The following EXD3 variants were observed in gnomAD, a reference collection of about 807,000 sequenced individuals.
EXD3 encodes the protein exonuclease mut-7 homolog.
EXD3 carries 92 observed loss-of-function variants against 98.0 expected under a neutral mutation model. The ratio of observed to expected loss-of-function variants is 0.94; its 90% confidence interval spans 0.79 to 1.12. The LOEUF is 1.12. Ranked by LOEUF, EXD3 falls within the 50% of genes most tolerant of loss-of-function variation. The pLI is 0.00. For synonymous variants in EXD3, 569 were observed against 526.0 expected (o/e 1.08, Z -1.12); for missense variants, 1,222 against 1,191.6 (o/e 1.03, Z -0.38).
At chr9:137,372,034 C>T (rs149661238) in intron 5 of EXD3, among the ~76,000 whole-genome samples, 2 of 152,174 alleles carry the variant, frequency 1.3e-5, no homozygotes, top group Non-Finnish European at 2.9e-5. Context: ...CCTCTTGGAA[C>T]CTTCTGGGCT....
chr9:137,354,725 T>A lies in EXD3; in HGVS notation c.806A>T (p.His269Leu), dbSNP rs1257440042. 2.5e-6 allele frequency: 4 copies of A among 1,610,890 alleles called. No homozygotes were observed. The highest frequency in any genetic ancestry group is 1.7e-5 in the Admixed American group (1 of 60,008). Reference sequence around the variant, plus strand: ...CTCCACAAACCGCTTGTGGCACAGGTGCCGCAGGGCCGCCAGGCGCTGCTG... The same window carrying A: ...CTCCACAAACCGCTTGTGGCACAGGAGCCGCAGGGCCGCCAGGCGCTGCTG... The part of the protein sequence containing the change: ...AIQQRLAALR[H>L]LCHKRFVEKS... Residue 269 changes from histidine (H) to leucine (L), a missense_variant, in exon 9 of 22, where the codon CAC becomes CTC. By Grantham distance (99) the His-to-Leu change is moderately conservative. Transcript: ENST00000340951.
At chr9:137,378,176 G>A (rs1456696347) in intron 3 of EXD3, among the ~76,000 whole-genome samples, 2 of 151,696 alleles carry the variant, frequency 1.3e-5, no homozygotes, top group African/African-American at 4.8e-5. Flanking sequence ...TCTATTCCAG[G>A]CAGTTTCCCA....
At chr9:137,358,313 A>G (rs1834891928) in intron 7 of EXD3, among the ~76,000 whole-genome samples, 1 of 152,198 alleles carries the variant, frequency 6.6e-6, no homozygotes, top group Non-Finnish European at 1.5e-5. Context: ...GTGCACCTCC[A>G]GCAAGGGTCT....
intron 1 of EXD3, among the ~76,000 whole-genome samples, chr9:137,396,961 T>G (rs748200951): frequency 1.5e-4 from 23 of 152,182 alleles, no homozygotes; most frequent in Non-Finnish European, 2.5e-4. Context: ...GGGCACAGTG[T>G]CCCACCATGC....
At chr9:137,330,424 AG>A (rs1304066274) in intron 17 of EXD3, among the ~76,000 whole-genome samples, 5 of 129,080 alleles carry the variant, frequency 3.9e-5, no homozygotes, top group Admixed American at 7.6e-5. Flanking sequence ...ACTACACAGG[AG>A]CTACACAGGA....
At chr9:137,415,960 C>G (rs879692902) in intron 1 of EXD3, among the ~76,000 whole-genome samples, 2 of 152,188 alleles carry the variant, frequency 1.3e-5, no homozygotes, top group Admixed American at 1.3e-4. Context: ...GCTCTGCCGA[C>G]GGTGCCTCTG....
chr9:137,327,375 C>T (rs563645119), intron 17 of EXD3, among the ~76,000 whole-genome samples: 49 of 152,154 alleles, frequency 3.2e-4, no homozygotes, highest in African/African-American at 1.1e-3. Flanking sequence ...CCTTGTGATC[C>T]GCCCGCGTCG....
intron 7 of EXD3, among the ~76,000 whole-genome samples, chr9:137,358,815 TAGC>T (rs1411672084): frequency 6.6e-6 from 1 of 151,550 alleles, no homozygotes; most frequent in Non-Finnish European, 1.5e-5. Flanking sequence ...CAGCCCTGAG[TAGC>T]AGGACTATAG....
In EXD3 at chr9:137,306,908, C is replaced by T. The variant is rs368309115; in HGVS notation, c.*42G>A. 9 of 1,520,326 alleles carry T rather than the reference C, an allele frequency of 5.9e-6. No individual in the cohort carries two copies. The highest frequency in any genetic ancestry group is 5.5e-5 in the African/African-American group (4 of 72,440). The allele number at this position is 1,520,326 out of a possible 1,614,324, so 94.2% of individuals were successfully genotyped here. ...ATGTGAGCCAGTCCACGGCCATGGG[C>T]CCAGCAGTCGGGCACTTTCCATGTT... On this transcript the variant is annotated 3_prime_UTR_variant, in exon 22 of 22. Transcript: ENST00000340951.
chr9:137,375,785 C>G (rs992239951), intron 3 of EXD3, among the ~76,000 whole-genome samples: 27 of 152,064 alleles, frequency 1.8e-4, no homozygotes, highest in African/African-American at 6.5e-4. Context: ...ATCACTTTGC[C>G]GGGACACGTG....
intron 3 of EXD3, among the ~76,000 whole-genome samples, chr9:137,382,033 G>A (rs528652473): frequency 6.9e-6 from 1 of 145,414 alleles, no homozygotes; most frequent in Admixed American, 6.8e-5. Flanking sequence ...AGGAGGTGAG[G>A]GCGCGGGGAG....
chr9:137,388,262 T>C (rs10119860), intron 2 of EXD3, among the ~76,000 whole-genome samples: 36,081 of 151,954 alleles, frequency 0.24, 7,030 homozygotes, highest in African/African-American at 0.54. Context: ...TCTGTGGGGT[T>C]GGCCTGAGGG....
At chr9:137,355,267 C>T (rs921090860) in intron 8 of EXD3, among the ~76,000 whole-genome samples, 1 of 152,202 alleles carries the variant, frequency 6.6e-6, no homozygotes, top group African/African-American at 2.4e-5. Flanking sequence ...GCACCACAGT[C>T]TGGCTGAGCC....
chr9:137,354,467 G>A (rs867583744), intron 9 of EXD3, 90 bp from the exon 10 acceptor site: 2 of 1,584,644 alleles, frequency 1.3e-6, no homozygotes, highest in East Asian at 4.6e-5. Flanking sequence ...CCCTGGCAGG[G>A]TACATCCTTG....
At chr9:137,318,805 C>G (rs560308407) in intron 19 of EXD3, among the ~76,000 whole-genome samples, 1 of 152,296 alleles carries the variant, frequency 6.6e-6, no homozygotes, top group Non-Finnish European at 1.5e-5. Context: ...GGAGTCCCAC[C>G]GCCTGGGGTC....
intron 1 of EXD3, among the ~76,000 whole-genome samples, chr9:137,396,095 G>A (rs574292824): frequency 1.3e-5 from 2 of 152,096 alleles, no homozygotes; most frequent in South Asian, 2.1e-4. Context: ...AGCCTCCCGA[G>A]TAGCTGGGAT....
intron 14 of EXD3, among the ~76,000 whole-genome samples, chr9:137,350,449 G>A (rs569204268): frequency 1.7e-5 from 2 of 119,986 alleles, no homozygotes; most frequent in African/African-American, 6.3e-5. Flanking sequence ...TAGATAGAGA[G>A]GGGTGGGGAT....
At chr9:137,400,525 G>A (rs1837425693) in intron 1 of EXD3, among the ~76,000 whole-genome samples, 1 of 152,172 alleles carries the variant, frequency 6.6e-6, no homozygotes, top group Non-Finnish European at 1.5e-5. Flanking sequence ...CAGCACTTTG[G>A]GAGGCCGAGG....
intron 2 of EXD3, among the ~76,000 whole-genome samples, chr9:137,389,393 G>A (rs978426076): frequency 1.6e-4 from 24 of 152,180 alleles, no homozygotes; most frequent in African/African-American, 4.8e-4. Flanking sequence ...GTCTCTCATC[G>A]GTCATGGGTC....
Sources: allele counts gnomAD v4.1 joint callset (sites outside exome capture counted in the v4.1 genomes callset), GRCh38; gene constraint gnomAD v4.1.1; transcripts MANE v1.5; gene names NCBI Gene and HGNC (gene_info 2026-07-23, HGNC 2026-07-21).